The following C6orf132 variants were observed in gnomAD, a reference collection of about 807,000 sequenced individuals.
The protein encoded by C6orf132 is chromosome 6 open reading frame 132.
C6orf132 carries 43 observed loss-of-function variants against 65.3 expected under a neutral mutation model. The ratio of observed to expected loss-of-function variants is 0.66; its 90% CI spans 0.52 to 0.85. The LOEUF is 0.85. Ranked by LOEUF, C6orf132 falls within the 40% of genes least tolerant of loss-of-function variation. The pLI, the probability that C6orf132 is intolerant of heterozygous loss-of-function variation, is 0.00. For missense variants in C6orf132, 1,488 were observed against 1,548.8 expected (o/e 0.96, Z 0.66); for synonymous variants, 631 against 654.1 (o/e 0.96, Z 0.54).
In C6orf132 at chr6:42,106,364, C is replaced by T. The variant is rs1343576807; in HGVS notation, c.1548G>A (p.Leu516=). 6.5e-7 allele frequency: 1 copy of T among 1,536,332 alleles called. No homozygotes were observed. Among genetic ancestry groups the T allele is most frequent in the Non-Finnish European group, 8.7e-7 (1 of 1,146,850 alleles). Residue 516 remains leucine (L), a synonymous_variant, in exon 4 of 5, where the codon CTG becomes CTA. Transcript: ENST00000341865. ...GGGGAGTGTCCTTTGCTGGCAGGCT[C>T]AGGAGAGTCTCCTTCTCAGGCAGGC... The part of the protein sequence containing the change: ...GPRLPEKETL[L]SLPAKDTPPG...
chr6:42,119,248 C>CAAAAAAAAAAA (rs1156356191), intron 2 of C6orf132, among the ~76,000 whole-genome samples: 2 of 44,778 alleles, frequency 4.5e-5, no homozygotes, highest in African/African-American at 2.0e-4. Context: ...GACTCTGTCT[C>CAAAAAAAAAAA]AAAAAAAAAA....
intron 1 of C6orf132, 44 bp from the exon 2 acceptor site, chr6:42,128,822 G>A: frequency 7.0e-7 from 1 of 1,437,854 alleles, no homozygotes; most frequent in Non-Finnish European, 9.6e-7. Flanking sequence ...GGAGATCCAA[G>A]GCATCCGGCC....
chr6:42,117,958 G>A (rs1178402964), intron 2 of C6orf132, among the ~76,000 whole-genome samples: 2 of 133,754 alleles, frequency 1.5e-5, no homozygotes. Context: ...AAAGAATATG[G>A]GACAAAGAGG....
chr6:42,115,538 C>T (rs570695507), intron 2 of C6orf132, among the ~76,000 whole-genome samples: 12 of 151,328 alleles, frequency 7.9e-5, no homozygotes, highest in Admixed American at 5.3e-4. Context: ...CCCAGCTACT[C>T]GGGAGGCTGA....
At chr6:42,130,172 G>A (rs901279160) in intron 1 of C6orf132, among the ~76,000 whole-genome samples, 10 of 152,212 alleles carry the variant, frequency 6.6e-5, no homozygotes, top group Non-Finnish European at 8.8e-5. Context: ...CCCGAACGTC[G>A]GGTTCTCCGT....
chr6:42,103,855 T>C lies in C6orf132; in HGVS notation c.3473A>G (p.Tyr1158Cys). 6.7e-7 allele frequency: 1 copy of C among 1,484,410 alleles called. No individual in the cohort carries two copies. The allele number at this position is 1,484,410 out of a possible 1,614,324, so 92.0% of individuals were successfully genotyped here. ...GGTGAACGTGTTGATGGGGCTTCCA[T>C]AGCGGGTGGTGGTGTAGGGAGACCT... ...AGRSPYTTTR[Y>C]GSPINTFTVR... Residue 1158 changes from tyrosine to cysteine, a missense_variant, in exon 5 of 5, where the codon TAT (tyrosine) becomes TGT (cysteine). Transcript: ENST00000341865.
At chr6:42,118,892 T>TTG (rs1491298027) in intron 2 of C6orf132, among the ~76,000 whole-genome samples, 2 of 132,240 alleles carry the variant, frequency 1.5e-5, no homozygotes, top group African/African-American at 5.9e-5. Flanking sequence ...TTTTTTTTTT[T>TTG]AGAGATAGGA....
intron 2 of C6orf132, chr6:42,126,569 C>A (rs570412736): frequency 5.2e-6 from 1 of 191,314 alleles, no homozygotes; most frequent in Non-Finnish European, 1.1e-5. Context: ...AGGCTGGGCG[C>A]GGTAGCTCAC....
At position 42,104,228 on chromosome 6, in the gene C6orf132, A is replaced by G. The variant is rs60811587; in HGVS notation, c.3449+235T>C. ...GCCTGACCTCTGGGATCTAGCGGGC[A>G]GGAGAGAGACAGACGAGAGGAGCTG... On this transcript the variant is annotated intron_variant, in intron 4 of 4. Transcript: ENST00000341865. This position sits in a 1 kb window ranked among gnomAD's most constrained non-coding sequence, Gnocchi z 4.1. Among the ~76,000 whole-genome samples the G allele has an allele frequency of 0.55, 83,072 of 152,134 alleles. 24,925 individuals are homozygous for G. Among genetic ancestry groups the G allele is most frequent in the African/African-American group, 0.8 (33,247 of 41,526 alleles).
At chr6:42,132,864 A>AAAAAAG (rs1300102491) in intron 1 of C6orf132, among the ~76,000 whole-genome samples, 18 of 148,666 alleles carry the variant, frequency 1.2e-4, no homozygotes, top group Admixed American at 1.1e-3. Flanking sequence ...CTCAAAAAAA[A>AAAAAAG]AAAAGAAAAG....
chr6:42,106,509 TC>T lies in C6orf132; in HGVS notation c.1402del (p.Glu468LysfsTer49). 1.3e-6 allele frequency: 2 copies of T among 1,535,894 alleles called. No homozygotes were observed. The highest frequency in any genetic ancestry group is 4.9e-5 in the East Asian group (2 of 40,884). ...PVDWRDPSQMEKLRNELAAYL... is the reference protein window; with the variant it reads ...PVDWRDPSQMXKLRNELAAYL... ...GGCTGCCAGCTCGTTCCGCAGCTTT[TC>T]CATCTGGCTGGGGTCCCTCCAGTCC... On this transcript the variant is annotated frameshift_variant, in exon 4 of 5. Transcript: ENST00000341865. LOFTEE classifies it high-confidence loss of function.
Position 42,104,379 on chromosome 6 carries a change from C to T in C6orf132, c.3449+84G>A, listed in dbSNP as rs1289822431. ...GAAGGGAGAAAACCAAATGTTTTCT[C>T]TTGACGGATGGCCGGGACTCCTTGG... On this transcript the variant is annotated intron_variant, in intron 4 of 4. Coordinates refer to ENST00000341865, the MANE Select transcript of C6orf132 (RefSeq NM_001164446.3). The surrounding 1 kb of genome is among the most constrained non-coding windows in gnomAD (Gnocchi z 4.1). 3 of 1,225,320 alleles carry T rather than the reference C, an allele frequency of 2.4e-6. No homozygotes were observed. In the African/African-American group the frequency reaches 4.7e-5, roughly 19 times the overall value. 75.9% of individuals were successfully genotyped at this position (1,225,320 alleles called of 1,614,324 possible). A position where few individuals can be genotyped will look rare whatever the true frequency, so the allele number is the denominator to read the frequency against.
At chr6:42,136,892 C>G (rs1012391187) in intron 1 of C6orf132, among the ~76,000 whole-genome samples, 4 of 152,120 alleles carry the variant, frequency 2.6e-5, no homozygotes, top group African/African-American at 7.2e-5. Flanking sequence ...CGCCGCCCCC[C>G]CAGCCCTGCA....
At chr6:42,115,695 A>G (rs1766555460) in intron 2 of C6orf132, among the ~76,000 whole-genome samples, 1 of 152,166 alleles carries the variant, frequency 6.6e-6, no homozygotes, top group South Asian at 2.1e-4. Flanking sequence ...GGTAAATTTT[A>G]TCTTATGTAT....
At chr6:42,121,755 T>C (rs1766689459) in intron 2 of C6orf132, among the ~76,000 whole-genome samples, 1 of 151,704 alleles carries the variant, frequency 6.6e-6, no homozygotes, top group South Asian at 2.1e-4. Flanking sequence ...TGGGGCGGGG[T>C]GTGGAGTTGC....
At chr6:42,103,942 TC>T in intron 4 of C6orf132, 64 bp from the exon 5 acceptor site, 1 of 1,110,978 alleles carries the variant, frequency 9.0e-7, no homozygotes, top group Non-Finnish European at 1.2e-6. Context: ...GTCTCTCATC[TC>T]CCCGAGGGAC....
At chr6:42,118,140 G>A (rs930556783) in intron 2 of C6orf132, among the ~76,000 whole-genome samples, 3 of 152,106 alleles carry the variant, frequency 2.0e-5, no homozygotes, top group African/African-American at 4.8e-5. Context: ...GCTCACCTGC[G>A]TCGTGTGGGC....
chr6:42,131,689 C>T (rs79234027), intron 1 of C6orf132, among the ~76,000 whole-genome samples: 1 of 152,336 alleles, frequency 6.6e-6, no homozygotes, highest in East Asian at 1.9e-4. Flanking sequence ...CGGATCTGAA[C>T]TGTGGCCGTC....
At chr6:42,134,788 A>T (rs1766913455) in intron 1 of C6orf132, among the ~76,000 whole-genome samples, 1 of 144,546 alleles carries the variant, frequency 6.9e-6, no homozygotes. Flanking sequence ...AAAAAAAAAA[A>T]AAAGACCAGC....
Sources: allele counts gnomAD v4.1 joint callset (sites outside exome capture counted in the v4.1 genomes callset), GRCh38; gene constraint gnomAD v4.1.1; non-coding constraint Gnocchi (gnomAD v3.1); transcripts MANE v1.5; gene names NCBI Gene and HGNC (gene_info 2026-07-23, HGNC 2026-07-21).